The following COL15A1 variants were observed in gnomAD, a reference collection of about 807,000 sequenced individuals.
COL15A1 encodes collagen alpha-1(XV) chain.
A neutral mutation model predicts 165.9 loss-of-function variants in COL15A1; 111 were observed. That is an observed-to-expected ratio of 0.67 (90% CI 0.57 to 0.78). The LOEUF (loss-of-function observed/expected upper bound fraction) is 0.78. COL15A1 is among the 30% of genes least tolerant of loss of function. The pLI is 0.00. For missense variants in COL15A1, 1,745 were observed against 1,789.7 expected (o/e 0.98, Z 0.45); for synonymous variants, 659 against 674.8 (o/e 0.98, Z 0.36).
chr9:99,066,110 C>G (rs367865089), intron 39 of COL15A1, among the ~76,000 whole-genome samples: 1 of 151,976 alleles, frequency 6.6e-6, no homozygotes. Context: ...AAGTTACCCC[C>G]GAGATGAGAT....
chr9:99,046,139 G>A (rs759373580), intron 26 of COL15A1, among the ~76,000 whole-genome samples: 1 of 152,208 alleles, frequency 6.6e-6, no homozygotes, highest in Non-Finnish European at 1.5e-5. Flanking sequence ...ATGCCATGGC[G>A]GTGGTTCCTA....
chr9:99,025,094 G>T (rs565378786), intron 15 of COL15A1, 95 bp downstream of exon 15: 3 of 1,010,590 alleles, frequency 3.0e-6, no homozygotes, highest in Non-Finnish European at 4.4e-6. Flanking sequence ...CACTGTCCAA[G>T]GTTCGCGATG....
chr9:98,968,402 T>C (rs1214833927), intron 2 of COL15A1, among the ~76,000 whole-genome samples: 1 of 152,212 alleles, frequency 6.6e-6, no homozygotes, highest in East Asian at 1.9e-4. Context: ...GCACTCCTCC[T>C]GGGGCTCTAG....
intron 16 of COL15A1, among the ~76,000 whole-genome samples, chr9:99,028,690 G>A (rs1163409076): frequency 2.0e-5 from 3 of 151,424 alleles, no homozygotes; most frequent in African/African-American, 7.3e-5. Flanking sequence ...AGACTTGGGG[G>A]AAAGGGTGGG....
At chr9:99,069,620 A>G (rs1825951552) in intron 41 of COL15A1, 53 bp from the exon 42 acceptor site, 2 of 1,576,976 alleles carry the variant, frequency 1.3e-6, no homozygotes, top group Non-Finnish European at 1.7e-6. Context: ...TTACCAAAAA[A>G]TACCACAAAG....
rs772958842 is a variant in COL15A1, at chr9:98,985,665, C to T, written c.201C>T (p.Tyr67=). The T allele has an allele frequency of 2.5e-6, 4 of 1,614,248 alleles. No homozygotes were observed. The highest frequency in any genetic ancestry group is 1.7e-5 in the Admixed American group (1 of 60,034). ...FVTGYGGFPA[Y]SFGPGANVGR... is the part of the protein sequence containing the mutation. ...CAGGCTATGGTGGCTTCCCGGCCTA[C>T]AGTTTCGGGCCTGGTGCCAATGTTG... Residue 67 remains tyrosine (Y), a synonymous_variant, in exon 3 of 42, where the codon TAC becomes TAT. Transcript: ENST00000375001.
Position 98,988,952 on chromosome 9 carries a change from T to C in COL15A1, c.724-226T>C, listed in dbSNP as rs533394350. 2.0e-5 allele frequency among the ~76,000 whole-genome samples: 3 copies of C among 150,582 alleles called. No homozygotes were observed. The East Asian group carries it at 5.9e-4, about 30-fold the overall frequency. Reference sequence around the variant, plus strand: ...AAAAAAATAAAAAAATAAAAATAAATAAATAAAACAAATAACCAACCATGC... The same window carrying C: ...AAAAAAATAAAAAAATAAAAATAAACAAATAAAACAAATAACCAACCATGC... On this transcript the variant is annotated intron_variant, in intron 4 of 41. Coordinates refer to ENST00000375001, the MANE Select transcript of COL15A1 (RefSeq NM_001855.5).
chr9:99,016,812 G>A (rs1838941843), intron 11 of COL15A1, among the ~76,000 whole-genome samples: 1 of 152,218 alleles, frequency 6.6e-6, no homozygotes, highest in South Asian at 2.1e-4. Context: ...TGGCTCATCA[G>A]TTCCCCAAAC....
At chr9:98,984,983 G>T (rs1354145536) in intron 2 of COL15A1, among the ~76,000 whole-genome samples, 1 of 152,120 alleles carries the variant, frequency 6.6e-6, no homozygotes, top group African/African-American at 2.4e-5. Flanking sequence ...GTAGAGACGA[G>T]GTTTCACCAT....
chr9:98,977,427 A>G (rs10988442), intron 2 of COL15A1, among the ~76,000 whole-genome samples: 76,418 of 152,102 alleles, frequency 0.5, 20,815 homozygotes, highest in African/African-American at 0.72. Flanking sequence ...GGCTGCCTAA[A>G]CAGGTGGCCC....
At chr9:98,992,251 C>T (rs114334297) in intron 5 of COL15A1, among the ~76,000 whole-genome samples, 3,039 of 152,342 alleles carry the variant, frequency 0.02, 86 homozygotes, top group African/African-American at 0.062. Flanking sequence ...CCCTGCCCTG[C>T]GGGAAGGCGG....
At chr9:99,027,281 G>A (rs1000337147) in intron 16 of COL15A1, among the ~76,000 whole-genome samples, 4 of 152,152 alleles carry the variant, frequency 2.6e-5, no homozygotes, top group African/African-American at 9.7e-5. Flanking sequence ...ACCTCTCATG[G>A]ACAAAGACGT....
intron 36 of COL15A1, among the ~76,000 whole-genome samples, chr9:99,060,382 C>A (rs1021811777): frequency 2.0e-5 from 3 of 151,060 alleles, no homozygotes; most frequent in African/African-American, 7.3e-5. Flanking sequence ...CTCATCTCAG[C>A]CTCCAGAGTA....
chr9:99,043,309 G>A (rs1839443200), intron 24 of COL15A1, among the ~76,000 whole-genome samples: 1 of 152,144 alleles, frequency 6.6e-6, no homozygotes, highest in South Asian at 2.1e-4. Flanking sequence ...CCACAGGCCT[G>A]TGGAGATGGA....
chr9:99,023,636 G>T (rs1015860312), intron 14 of COL15A1, among the ~76,000 whole-genome samples, 187 bp downstream of exon 14: 9 of 152,176 alleles, frequency 5.9e-5, no homozygotes, highest in South Asian at 2.1e-4. Flanking sequence ...TGTTCACTTT[G>T]ATCAGTTGCA....
intron 2 of COL15A1, among the ~76,000 whole-genome samples, chr9:98,969,341 T>C (rs1175809915): frequency 2.0e-5 from 3 of 152,202 alleles, no homozygotes; most frequent in Admixed American, 1.3e-4. Context: ...CTCAAAACTC[T>C]CTCCTGAAGT....
Position 99,069,805 on chromosome 9 carries a change from G to GGAC in COL15A1, c.4087_4089dup (p.Asp1363dup). On this transcript the variant is annotated inframe_insertion, in exon 42 of 42. Transcript: ENST00000375001. The stretch of plus-strand genomic sequence containing the variant: ...CCCCGCTGAGCACGGGGAAGATTCT[G>GGAC]GACCAGAAAGCATACAGCTGTGCTA... 1 of 1,614,214 alleles carries GGAC rather than the reference G, an allele frequency of 6.2e-7. No homozygotes were observed.
At chr9:99,029,874 G>A (rs1425946952) in intron 16 of COL15A1, among the ~76,000 whole-genome samples, 2 of 151,086 alleles carry the variant, frequency 1.3e-5, no homozygotes, top group East Asian at 3.9e-4. Context: ...GCAGTGAGCC[G>A]AGATCGTGCC....
chr9:98,971,266 C>A (rs757575089), intron 2 of COL15A1, among the ~76,000 whole-genome samples: 1 of 152,192 alleles, frequency 6.6e-6, no homozygotes, highest in Non-Finnish European at 1.5e-5. Context: ...CCATCCCATG[C>A]CCCTCACGTG....
Sources: allele counts gnomAD v4.1 joint callset (sites outside exome capture counted in the v4.1 genomes callset), GRCh38; gene constraint gnomAD v4.1.1; transcripts MANE v1.5; gene names NCBI Gene and HGNC (gene_info 2026-07-23, HGNC 2026-07-21).